The following CABP1 variants were observed in gnomAD, a reference collection of about 807,000 sequenced individuals.
CABP1 encodes the protein calcium-binding protein 1.
A neutral mutation model predicts 34.3 loss-of-function variants in CABP1; 17 were observed. The ratio of observed to expected loss-of-function variants is 0.50; its 90% CI spans 0.34 to 0.74. The LOEUF (loss-of-function observed/expected upper bound fraction) is 0.74, where lower values mean the gene tolerates loss of function less well. Ranked by LOEUF, CABP1 falls within the 30% of genes least tolerant of loss-of-function variation. The pLI, the probability that CABP1 is intolerant of heterozygous loss-of-function variation, is 0.01. For synonymous variants in CABP1, 198 were observed against 229.2 expected, an observed-to-expected ratio of 0.86 and a Z score of 1.23; for missense variants, 373 against 511.1, an observed-to-expected ratio of 0.73 and a Z score of 2.61.
chr12:120,665,069 G>A (rs751430412), intron 5 of CABP1, among the ~76,000 whole-genome samples: 2 of 152,000 alleles, frequency 1.3e-5, no homozygotes, highest in Non-Finnish European at 2.9e-5. Flanking sequence ...TGGGTGCAAG[G>A]GGTTGGGGGG....
At chr12:120,656,959 G>A (rs1880268975) in intron 1 of CABP1, among the ~76,000 whole-genome samples, 1 of 152,144 alleles carries the variant, frequency 6.6e-6, no homozygotes, top group Admixed American at 6.6e-5. Context: ...CAGCTTGTTG[G>A]TGGTAGAGGT....
At chr12:120,658,287 G>A (rs372950235) in intron 1 of CABP1, among the ~76,000 whole-genome samples, 6 of 152,028 alleles carry the variant, frequency 3.9e-5, no homozygotes, top group South Asian at 2.1e-4. Context: ...TGGTAGAGAC[G>A]AGGTCTCACT....
chr12:120,677,922 G>A, the CABP1 span, among the ~76,000 whole-genome samples: 2 of 152,172 alleles, frequency 1.3e-5, no homozygotes, highest in South Asian at 4.1e-4. Context: ...TGGGGGACAT[G>A]AAGACACACC....
chr12:120,645,990 G>A (rs892393120), intron 1 of CABP1, among the ~76,000 whole-genome samples: 1 of 152,200 alleles, frequency 6.6e-6, no homozygotes, highest in Non-Finnish European at 1.5e-5. Flanking sequence ...GTTTGAGGCT[G>A]CAGTGAACTA....
At chr12:120,643,359 C>T (rs1203800112) in intron 1 of CABP1, among the ~76,000 whole-genome samples, 1 of 152,212 alleles carries the variant, frequency 6.6e-6, no homozygotes, top group Non-Finnish European at 1.5e-5. Context: ...CTCCAGTCTC[C>T]TGTGACAGAG....
At chr12:120,678,951 T>A in the CABP1 span, among the ~76,000 whole-genome samples, 1 of 151,454 alleles carries the variant, frequency 6.6e-6, no homozygotes. Flanking sequence ...TGTATGCCTG[T>A]AGTCGCAGCT....
the CABP1 span, among the ~76,000 whole-genome samples, chr12:120,673,303 G>A: frequency 6.6e-6 from 1 of 152,104 alleles, no homozygotes; most frequent in Non-Finnish European, 1.5e-5. Context: ...TATCTAAAAA[G>A]GCCTGGCGTG....
chr12:120,650,675 C>G, intron 1 of CABP1: 1 of 1,614,072 alleles, frequency 6.2e-7, no homozygotes, highest in South Asian at 1.1e-5. Flanking sequence ...AGAAATCTCT[C>G]AAGGAAGGTA....
chr12:120,656,763 CG>C (rs1227204379), intron 1 of CABP1, among the ~76,000 whole-genome samples: 1 of 152,100 alleles, frequency 6.6e-6, no homozygotes, highest in Non-Finnish European at 1.5e-5. Flanking sequence ...GGCATGGTGG[CG>C]GGTGCCTGTA....
At chr12:120,667,953 C>T (rs1316575040), downstream of CABP1, among the ~76,000 whole-genome samples, 1 of 152,200 alleles carries the variant, frequency 6.6e-6, no homozygotes, top group Non-Finnish European at 1.5e-5. Flanking sequence ...AAGCATCCAG[C>T]AGAGTCTGTA....
rs183999567 is a variant in CABP1, at chr12:120,660,511, G to A, written c.829+172G>A. Among the ~76,000 whole-genome samples, 32 of 152,350 alleles carry A rather than the reference G, an allele frequency of 2.1e-4. No individual in the cohort carries two copies. The highest frequency in any genetic ancestry group is 6.5e-4 in the African/African-American group (27 of 41,574). On this transcript the variant is annotated intron_variant, in intron 3 of 5. Transcript: ENST00000316803. The surrounding 1 kb of genome is among the most constrained non-coding windows in gnomAD (Gnocchi z 5.0). ...TTTCCTCACCTGTAAAATGAGGGCC[G>A]AATTGGAGGAGTGGAGCCCAGAAAG...
chr12:120,643,645 A>C (rs1461592631), intron 1 of CABP1, among the ~76,000 whole-genome samples: 7 of 152,248 alleles, frequency 4.6e-5, no homozygotes, highest in Non-Finnish European at 1.0e-4. Context: ...TTGCCCGGGC[A>C]GTCTGGAAAT....
At chr12:120,668,744 AG>A (rs563393841), downstream of CABP1, among the ~76,000 whole-genome samples, 1 of 152,246 alleles carries the variant, frequency 6.6e-6, no homozygotes, top group Non-Finnish European at 1.5e-5. Flanking sequence ...CTATAAGTGA[AG>A]TCTTAAAGCA....
At chr12:120,664,864 G>T (rs1226116818) in intron 5 of CABP1, among the ~76,000 whole-genome samples, 1 of 145,054 alleles carries the variant, frequency 6.9e-6, no homozygotes, top group East Asian at 2.0e-4. Context: ...AACAGAGCAA[G>T]ACTCTGTCTC....
the CABP1 span, among the ~76,000 whole-genome samples, chr12:120,678,115 C>T: frequency 2.0e-5 from 3 of 152,204 alleles, no homozygotes; most frequent in African/African-American, 7.2e-5. Flanking sequence ...GGGACCAAAC[C>T]ACCCACCTCA....
chr12:120,658,047 G>C (rs1025205523), intron 1 of CABP1, among the ~76,000 whole-genome samples: 1 of 150,676 alleles, frequency 6.6e-6, no homozygotes, highest in African/African-American at 2.4e-5. Context: ...GTTTGTGTTG[G>C]AATGGCTGTG....
chr12:120,677,427 CACT>C, the CABP1 span, among the ~76,000 whole-genome samples: 1 of 90,742 alleles, frequency 1.1e-5, no homozygotes, highest in Admixed American at 1.4e-4. Context: ...GACAGAGTCT[CACT>C]CTGTTGCCCA....
the CABP1 span, among the ~76,000 whole-genome samples, chr12:120,675,064 G>GT: frequency 0.19 from 29,269 of 151,634 alleles, 3,125 homozygotes; most frequent in Middle Eastern, 0.35. Flanking sequence ...TTAGTTTTTT[G>GT]TTTTTTGAGG....
In CABP1 at chr12:120,661,482, A is replaced by G; in HGVS notation, c.1087+264A>G. 2.3e-6 allele frequency: 1 copy of G among 426,176 alleles called. No homozygotes were observed. Among genetic ancestry groups the G allele is most frequent in the Non-Finnish European group, 4.2e-6 (1 of 235,398 alleles). 26.4% of individuals were successfully genotyped at this position (426,176 alleles called of 1,614,324 possible). Reference sequence around the variant, plus strand: ...CATTTATCCATCCATTCATCTACCTATCTATCCATCTGTCCACCATCCATC... The same window carrying G: ...CATTTATCCATCCATTCATCTACCTGTCTATCCATCTGTCCACCATCCATC... On this transcript the variant is annotated intron_variant, in intron 5 of 5. Coordinates refer to ENST00000316803, the MANE Select transcript of CABP1 (RefSeq NM_001033677.2). The surrounding 1 kb of genome is among the most constrained non-coding windows in gnomAD (Gnocchi z 5.1).
Sources: allele counts gnomAD v4.1 joint callset (sites outside exome capture counted in the v4.1 genomes callset), GRCh38; gene constraint gnomAD v4.1.1; non-coding constraint Gnocchi (gnomAD v3.1); transcripts MANE v1.5; gene names NCBI Gene and HGNC (gene_info 2026-07-23, HGNC 2026-07-21).